Variants in CTNNA3 observed in about 807,000 individuals in gnomAD.
The protein encoded by CTNNA3 is catenin alpha 3, also known as catenin alpha-3.
A neutral mutation model predicts 95.7 loss-of-function variants in CTNNA3; 76 were observed. The observed-to-expected ratio is 0.79, with a 90% CI of 0.66 to 0.96. The LOEUF (loss-of-function observed/expected upper bound fraction) is 0.96, where lower values mean the gene tolerates loss of function less well. Among genes scored for constraint, CTNNA3 ranks in the 40% least tolerant of loss-of-function variants. The pLI is 0.00. For missense variants in CTNNA3, 1,191 were observed against 1,089.8 expected, an observed-to-expected ratio of 1.09 and a Z score of -1.31; for synonymous variants, 431 against 374.4, an observed-to-expected ratio of 1.15 and a Z score of -1.74.
At chr10:66,525,986 T>C (rs1841244350) in intron 10 of CTNNA3, among the ~76,000 whole-genome samples, 1 of 152,188 alleles carries the variant, frequency 6.6e-6, no homozygotes, top group South Asian at 2.1e-4. Flanking sequence ...CAGAATTTCA[T>C]TACTTTTCAA....
intron 5 of CTNNA3, among the ~76,000 whole-genome samples, chr10:67,414,271 A>G (rs1262252596): frequency 6.6e-6 from 1 of 152,114 alleles, no homozygotes; most frequent in African/African-American, 2.4e-5. Context: ...ATCCCACAGA[A>G]ATACAAAAGA....
intron 7 of CTNNA3, among the ~76,000 whole-genome samples, chr10:66,860,178 A>G (rs1843859787): frequency 6.6e-6 from 1 of 152,048 alleles, no homozygotes; most frequent in South Asian, 2.1e-4. Context: ...ATAATAAAAT[A>G]AAATAAAAAG....
intron 3 of CTNNA3, among the ~76,000 whole-genome samples, chr10:67,554,057 G>A (rs183043161): frequency 1.3e-5 from 2 of 151,798 alleles, no homozygotes; most frequent in African/African-American, 4.9e-5. Flanking sequence ...ATGGTTTCCA[G>A]CTTCATCCAT....
At chr10:66,631,384 T>A (rs1845128384) in intron 9 of CTNNA3, among the ~76,000 whole-genome samples, 1 of 152,184 alleles carries the variant, frequency 6.6e-6, no homozygotes, top group Non-Finnish European at 1.5e-5. Flanking sequence ...GATGAAATAT[T>A]AGCCAATTTA....
At chr10:66,424,137 T>C (rs1410001152) in intron 11 of CTNNA3, among the ~76,000 whole-genome samples, 1 of 152,134 alleles carries the variant, frequency 6.6e-6, no homozygotes, top group African/African-American at 2.4e-5. Flanking sequence ...TCAAATTCTA[T>C]TTATGCACTA....
At chr10:67,646,617 T>C (rs1839722015) in intron 2 of CTNNA3, among the ~76,000 whole-genome samples, 1 of 152,104 alleles carries the variant, frequency 6.6e-6, no homozygotes, top group Admixed American at 6.6e-5. Context: ...AAGCAGAACA[T>C]ATTTAAATTA....
At chr10:66,065,038 A>G (rs932902400) in intron 15 of CTNNA3, among the ~76,000 whole-genome samples, 2 of 152,178 alleles carry the variant, frequency 1.3e-5, no homozygotes, top group African/African-American at 4.8e-5. Context: ...ATGGGAAAAA[A>G]TGAATTATTT....
Position 66,719,016 on chromosome 10 carries a change from G to A in CTNNA3, c.1281+47248C>T, listed in dbSNP as rs148301123. On this transcript the variant is annotated intron_variant, in intron 9 of 17. Coordinates refer to ENST00000433211, the MANE Select transcript of CTNNA3 (RefSeq NM_013266.4). ...CCGTCTTCCATGATCTGCGCTATCC[G>A]TTCTGCACTTATACTTTGACTTCAG... Among the ~76,000 whole-genome samples the A allele has an allele frequency of 1.9e-3, 285 of 152,192 alleles. 1 individual carries two copies. Among genetic ancestry groups the A allele is most frequent in the Admixed American group, 3.1e-3 (47 of 15,266 alleles).
chr10:67,651,744 C>T (rs1839883768), intron 1 of CTNNA3, among the ~76,000 whole-genome samples: 1 of 152,150 alleles, frequency 6.6e-6, no homozygotes, highest in Admixed American at 6.6e-5. Context: ...ACCCTTTCTA[C>T]ACCTTCCTGT....
At position 66,621,692 on chromosome 10, in the gene CTNNA3, C is replaced by G. The variant is rs759203141; in HGVS notation, c.1374G>C (p.Gln458His). ...AANHLETLCP[Q>H]IINAALALAA... ...ACAAAAAGTAACTTAGTTGTCATAC[C>G]TGTGGACACAAGGTTTCCAAATGAT... Residue 458 changes from glutamine to histidine, a missense_variant and splice_region_variant, in exon 10 of 18, where the codon CAG becomes CAC. Gln to His is a conservative substitution (Grantham distance 24). Transcript: ENST00000433211. The G allele has an allele frequency of 6.3e-7, 1 of 1,580,550 alleles. No individual in the cohort carries two copies.
In CTNNA3 at chr10:67,539,228, T is replaced by C. The variant is rs148198239; in HGVS notation, c.459+275A>G. Among the ~76,000 whole-genome samples, 378 of 152,272 alleles carry C rather than the reference T, an allele frequency of 2.5e-3. 3 individuals carry two copies. The East Asian group carries it at 0.034, about 14-fold the overall frequency. The stretch of plus-strand genomic sequence containing the variant: ...GTTATTTATTTATTTATAGAGAGCA[T>C]AGTTATTTAAATGATCAAAAGTCTA... On this transcript the variant is annotated intron_variant, in intron 4 of 17. Transcript: ENST00000433211.
intron 12 of CTNNA3, among the ~76,000 whole-genome samples, chr10:66,343,663 C>A (rs2092475689): frequency 6.6e-6 from 1 of 151,816 alleles, no homozygotes; most frequent in African/African-American, 2.4e-5. Context: ...GTGCTCTATA[C>A]CACTCTAGGA....
chr10:67,038,706 C>G (rs1167860588), intron 7 of CTNNA3, among the ~76,000 whole-genome samples: 1 of 152,020 alleles, frequency 6.6e-6, no homozygotes, highest in Non-Finnish European at 1.5e-5. Context: ...AAACAATTAA[C>G]AGGGTTAACA....
intron 12 of CTNNA3, among the ~76,000 whole-genome samples, chr10:66,292,023 T>TAC (rs2091690621): frequency 6.6e-6 from 1 of 151,510 alleles, no homozygotes; most frequent in African/African-American, 2.4e-5. Flanking sequence ...TATATACACA[T>TAC]ACACACATGT....
chr10:67,490,235 G>A (rs1848599554), intron 5 of CTNNA3, among the ~76,000 whole-genome samples: 1 of 151,950 alleles, frequency 6.6e-6, no homozygotes, highest in African/African-American at 2.4e-5. Flanking sequence ...AACAATTTTG[G>A]GAAACATCTC....
chr10:67,081,097 G>A (rs1351200492), intron 7 of CTNNA3, among the ~76,000 whole-genome samples: 2 of 152,120 alleles, frequency 1.3e-5, no homozygotes, highest in Non-Finnish European at 2.9e-5. Context: ...TTTTAATAAT[G>A]TCTAAATGTT....
intron 6 of CTNNA3, among the ~76,000 whole-genome samples, chr10:67,181,783 G>C (rs919189909): frequency 1.3e-5 from 2 of 152,002 alleles, no homozygotes; most frequent in Non-Finnish European, 2.9e-5. Flanking sequence ...CACAACTGCA[G>C]AGTCAAGCTA....
chr10:66,519,244 A>G (rs1840969868), intron 11 of CTNNA3, among the ~76,000 whole-genome samples: 1 of 152,054 alleles, frequency 6.6e-6, no homozygotes, highest in Non-Finnish European at 1.5e-5. Flanking sequence ...GAGGATATTG[A>G]TTTATGAGTA....
chr10:66,911,294 T>G (rs1846212383), intron 7 of CTNNA3, among the ~76,000 whole-genome samples: 1 of 152,186 alleles, frequency 6.6e-6, no homozygotes, highest in South Asian at 2.1e-4. Context: ...AATAAAAAAT[T>G]TGTATAGTTC....
Sources: gnomAD v4.1 joint callset for allele counts (sites outside exome capture counted in the v4.1 genomes callset) on GRCh38, gnomAD v4.1.1 for gene constraint, MANE v1.5 for transcripts, NCBI Gene and HGNC (gene_info 2026-07-23, HGNC 2026-07-21) for gene names.